Variants in MACC1 observed in about 807,000 individuals in gnomAD.
MACC1 encodes metastasis-associated in colon cancer protein 1.
MACC1 carries 79 observed loss-of-function variants against 70.7 expected under a neutral mutation model. The ratio of observed to expected loss-of-function variants is 1.12; its 90% CI spans 0.93 to 1.35. The LOEUF is 1.35. Ranked by LOEUF, MACC1 falls within the 40% of genes most tolerant of loss-of-function variation. The pLI is 0.00. For missense variants in MACC1, 1,106 were observed against 978.1 expected (o/e 1.13, Z -1.74); for synonymous variants, 361 against 347.2 (o/e 1.04, Z -0.44).
chr7:20,172,139 C>T (rs1782317567), intron 1 of MACC1, among the ~76,000 whole-genome samples: 1 of 152,164 alleles, frequency 6.6e-6, no homozygotes, highest in South Asian at 2.1e-4. Flanking sequence ...CTCACTGATT[C>T]AGGAAACATT....
At position 20,139,606 on chromosome 7, in the gene MACC1, A is replaced by G. The variant is rs942093646; in HGVS notation, c.*1340T>C. ...AGCATCTATATGCCTGCCAAAAAAT[A>G]GACACATATACTCTACCTATTGACT... On this transcript the variant is annotated 3_prime_UTR_variant, in exon 7 of 7. Transcript: ENST00000400331. 13 of 152,228 alleles carry G rather than the reference A, an allele frequency of 8.5e-5. No individual in the cohort carries two copies. The highest frequency in any genetic ancestry group is 2.9e-5 in the Non-Finnish European group (2 of 68,050). 9.4% of individuals were successfully genotyped at this position (152,228 alleles called of 1,614,324 possible).
At chr7:20,196,315 G>A (rs1422194572) in intron 1 of MACC1, among the ~76,000 whole-genome samples, 2 of 152,026 alleles carry the variant, frequency 1.3e-5, no homozygotes, top group Non-Finnish European at 2.9e-5. Flanking sequence ...AGAGTAGCTG[G>A]GACTACAGGC....
rs768276152 is a variant in MACC1 at position 20,141,089 on chromosome 7, C to T, written c.2416G>A (p.Val806Met). The stretch of plus-strand genomic sequence containing the variant: ...AAAGCTGACTGAAGGTCTTGTAACA[C>T]ATCTCTGTAGTTATTTCCATAGTGA... ...SAHYGNNYRD[V>M]LQDLQSALDR... Residue 806 changes from valine to methionine, a missense_variant, in exon 7 of 7, where the codon GTG becomes ATG. Val to Met is a conservative substitution (Grantham distance 21, BLOSUM62 1). Coordinates refer to ENST00000400331, the MANE Select transcript of MACC1 (RefSeq NM_182762.4). 1 of 1,613,672 alleles carries T rather than the reference C, an allele frequency of 6.2e-7. No homozygotes were observed. The highest frequency in any genetic ancestry group is 1.3e-5 in the African/African-American group (1 of 75,032).
At chr7:20,166,569 G>A (rs1782223491) in intron 2 of MACC1, among the ~76,000 whole-genome samples, 1 of 152,176 alleles carries the variant, frequency 6.6e-6, no homozygotes, top group Admixed American at 6.5e-5. Flanking sequence ...TGTTGCAGCT[G>A]ATGATTCTGA....
chr7:20,154,400 G>T lies in MACC1; in HGVS notation c.2158-19C>A, dbSNP rs777061644. 2 of 1,605,298 alleles carry T rather than the reference G, an allele frequency of 1.2e-6. No individual in the cohort carries two copies. The highest frequency in any genetic ancestry group is 3.4e-5 in the Admixed American group (2 of 58,652). ...GAAGAGCCTGCAGCAACAATTACAT[G>T]TCACAATTAAAAGCAACTAACTTGG... On this transcript the variant is annotated intron_variant, in intron 5 of 6. Coordinates refer to ENST00000400331, the MANE Select transcript of MACC1 (RefSeq NM_182762.4).
chr7:20,157,825 A>T (rs1186660544), intron 5 of MACC1, among the ~76,000 whole-genome samples: 1 of 151,678 alleles, frequency 6.6e-6, no homozygotes, highest in Non-Finnish European at 1.5e-5. Context: ...ACTGAAAAGT[A>T]GATCCCTAAC....
At chr7:20,182,683 T>C (rs3094992) in intron 1 of MACC1, among the ~76,000 whole-genome samples, 51,106 of 151,930 alleles carry the variant, frequency 0.34, 9,965 homozygotes, top group East Asian at 0.83. Flanking sequence ...ATGCTTCTGT[T>C]TGTAAGTTTC....
intron 1 of MACC1, among the ~76,000 whole-genome samples, chr7:20,206,898 G>GC (rs1318696361): frequency 6.6e-6 from 1 of 152,032 alleles, no homozygotes; most frequent in African/African-American, 2.4e-5. Flanking sequence ...ACCTCCTCCG[G>GC]CCCCCCAGTC....
intron 3 of MACC1, among the ~76,000 whole-genome samples, chr7:20,163,205 G>A (rs1021613479): frequency 2.0e-5 from 3 of 151,860 alleles, no homozygotes; most frequent in East Asian, 1.9e-4. Context: ...TTAGGAAAAC[G>A]CAAAATGAAA....
intron 6 of MACC1, among the ~76,000 whole-genome samples, chr7:20,146,577 C>T (rs975359479): frequency 6.6e-6 from 1 of 152,182 alleles, no homozygotes; most frequent in African/African-American, 2.4e-5. Flanking sequence ...GACTGACTAA[C>T]ATTTAATCCT....
intron 1 of MACC1, among the ~76,000 whole-genome samples, chr7:20,187,833 G>A (rs965288136): frequency 1.3e-5 from 2 of 152,148 alleles, no homozygotes; most frequent in Admixed American, 1.3e-4. Flanking sequence ...ATTTGCCCCT[G>A]GTGACCTTGC....
intron 2 of MACC1, among the ~76,000 whole-genome samples, chr7:20,166,341 CA>C (rs1782218423): frequency 6.6e-6 from 1 of 152,108 alleles, no homozygotes; most frequent in Admixed American, 6.5e-5. Context: ...CTTGTAAATG[CA>C]ACCAGTATTT....
rs1173743887 is a variant in MACC1, at chr7:20,138,654, A to G, written c.*2292T>C. The G allele has an allele frequency of 1.3e-5, 2 of 152,016 alleles. No individual in the cohort carries two copies. The highest frequency in any genetic ancestry group is 3.9e-4 in the East Asian group (2 of 5,184). The allele number at this position is 152,016 out of a possible 1,614,324, so 9.4% of individuals were successfully genotyped here. Reference sequence around the variant, plus strand: ...TCAGGCTGTGTTCCCTTATAATCAAATATAAATACTGAAAGCCGTACAGAT... The same window carrying G: ...TCAGGCTGTGTTCCCTTATAATCAAGTATAAATACTGAAAGCCGTACAGAT... On this transcript the variant is annotated 3_prime_UTR_variant, in exon 7 of 7. Coordinates refer to ENST00000400331, the MANE Select transcript of MACC1 (RefSeq NM_182762.4).
At chr7:20,149,274 C>T (rs1000366435) in intron 6 of MACC1, among the ~76,000 whole-genome samples, 6 of 152,008 alleles carry the variant, frequency 3.9e-5, no homozygotes, top group African/African-American at 1.4e-4. Context: ...AGTCACATTA[C>T]TAAAAAAACA....
chr7:20,202,798 A>G (rs999012887), intron 1 of MACC1, among the ~76,000 whole-genome samples: 1 of 152,208 alleles, frequency 6.6e-6, no homozygotes, highest in Non-Finnish European at 1.5e-5. Context: ...TAAAGGGCAC[A>G]TGTGGCTAAT....
chr7:20,168,773 G>A (rs1782259285), intron 2 of MACC1, among the ~76,000 whole-genome samples: 1 of 152,190 alleles, frequency 6.6e-6, no homozygotes, highest in African/African-American at 2.4e-5. Flanking sequence ...ACCTAGTCCA[G>A]TAAAGCCCAC....
At chr7:20,179,489 T>C (rs576201869) in intron 1 of MACC1, among the ~76,000 whole-genome samples, 18 of 152,322 alleles carry the variant, frequency 1.2e-4, no homozygotes, top group South Asian at 4.1e-4. Flanking sequence ...GTTGCCTCCA[T>C]TGGGCTTCTT....
intron 1 of MACC1, among the ~76,000 whole-genome samples, chr7:20,198,240 A>G (rs562483401): frequency 6.6e-6 from 1 of 152,346 alleles, no homozygotes; most frequent in South Asian, 2.1e-4. Flanking sequence ...ATATTGATCA[A>G]AGCAATGTTT....
intron 1 of MACC1, among the ~76,000 whole-genome samples, chr7:20,177,023 C>T (rs528736279): frequency 3.8e-4 from 58 of 152,156 alleles, no homozygotes; most frequent in African/African-American, 1.3e-3. Flanking sequence ...CAAATCTACA[C>T]GTGATAAAAT....
Sources: allele counts gnomAD v4.1 joint callset (sites outside exome capture counted in the v4.1 genomes callset), GRCh38; gene constraint gnomAD v4.1.1; transcripts MANE v1.5; gene names NCBI Gene and HGNC (gene_info 2026-07-23, HGNC 2026-07-21).